OPRM1: variants seen among roughly 807,000 people sequenced by gnomAD.
OPRM1 encodes opioid receptor mu 1, also known as mu-type opioid receptor.
In OPRM1, 27 loss-of-function variants were observed where a neutral mutation model predicts 31.8. The ratio of observed to expected loss-of-function variants is 0.85; its 90% CI spans 0.63 to 1.17. The LOEUF is 1.17. OPRM1 is among the 50% of genes most tolerant of loss of function. The pLI, the probability that OPRM1 is intolerant of heterozygous loss-of-function variation, is 0.00. For synonymous variants in OPRM1, 196 were observed against 189.9 expected, an observed-to-expected ratio of 1.03 and a Z score of -0.26; for missense variants, 536 against 511.1, an observed-to-expected ratio of 1.05 and a Z score of -0.47.
At chr6:154,199,781 G>C in intron 3 of OPRM1, 1 of 1,614,226 alleles carries the variant, frequency 6.2e-7, no homozygotes, top group Middle Eastern at 1.6e-4. Context: ...TCCACTTTCT[G>C]ATGTGACAAA....
In OPRM1 at chr6:154,099,130, A is replaced by G. The variant is rs560966371; in HGVS notation, c.1164+7658A>G. ...GTCGATCTCTGCAAAAAACAAACAA[A>G]CAAAAAAAGCCAGGCGCGGTGGCAT... On this transcript the variant is annotated intron_variant, in intron 3 of 3. Coordinates refer to ENST00000330432, the MANE Select transcript of OPRM1 (RefSeq NM_000914.5). 3.6e-4 allele frequency among the ~76,000 whole-genome samples: 55 copies of G among 152,048 alleles called. No individual in the cohort carries two copies. In the South Asian group the frequency reaches 0.011, roughly 30 times the overall value.
At chr6:154,227,476 T>C (rs1779350302) in intron 3 of OPRM1, among the ~76,000 whole-genome samples, 1 of 152,076 alleles carries the variant, frequency 6.6e-6, no homozygotes, top group African/African-American at 2.4e-5. Flanking sequence ...CCCAACACTT[T>C]TGGAGGCCAA....
chr6:154,229,346 G>GTTTTTTTTTTTTTTTTTTTT (rs34462600), intron 3 of OPRM1, among the ~76,000 whole-genome samples: 1 of 112,680 alleles, frequency 8.9e-6, no homozygotes, highest in African/African-American at 3.4e-5. Flanking sequence ...AAGTTTGCCG[G>GTTTTTTTTTTTTTTTTTTTT]TTTTTTTTTT....
intron 1 of OPRM1, among the ~76,000 whole-genome samples, chr6:154,071,641 G>A (rs1012760127): frequency 5.9e-5 from 9 of 152,148 alleles, no homozygotes; most frequent in Non-Finnish European, 8.8e-5. Context: ...ATTTGGGAAA[G>A]GATTCAAAGA....
intron 3 of OPRM1, among the ~76,000 whole-genome samples, chr6:154,147,275 T>G (rs1562508121): frequency 6.6e-6 from 1 of 152,222 alleles, no homozygotes. Context: ...CTCGCTCATG[T>G]TCTCTTGTTT....
At chr6:154,238,456 G>T (rs751757065) in intron 3 of OPRM1, among the ~76,000 whole-genome samples, 25 of 152,074 alleles carry the variant, frequency 1.6e-4, no homozygotes, top group Non-Finnish European at 3.7e-4. Flanking sequence ...AATACAGACA[G>T]GGTTTCTCCA....
At chr6:154,171,286 AAAAT>A (rs1799849345) in intron 3 of OPRM1, among the ~76,000 whole-genome samples, 1 of 152,226 alleles carries the variant, frequency 6.6e-6, no homozygotes, top group Non-Finnish European at 1.5e-5. Context: ...TTCAATAATT[AAAAT>A]AAATACTCAG....
At chr6:154,033,234 A>G (rs1462864444) in intron 1 of OPRM1, among the ~76,000 whole-genome samples, 1 of 152,224 alleles carries the variant, frequency 6.6e-6, no homozygotes, top group East Asian at 1.9e-4. Context: ...TAGGTTTAAC[A>G]TTATGAAAGT....
At chr6:154,161,533 G>A (rs193044772) in intron 3 of OPRM1, among the ~76,000 whole-genome samples, 175 of 152,082 alleles carry the variant, frequency 1.2e-3, no homozygotes, top group African/African-American at 4.1e-3. Context: ...TTCAAAACCC[G>A]TAAATCTATA....
chr6:154,064,371 T>C (rs937236747), intron 1 of OPRM1, among the ~76,000 whole-genome samples: 1 of 152,180 alleles, frequency 6.6e-6, no homozygotes, highest in Non-Finnish European at 1.5e-5. Flanking sequence ...GGGAGTTCTC[T>C]ATATGTTCTG....
At chr6:154,180,209 G>A (rs1800713684) in intron 3 of OPRM1, among the ~76,000 whole-genome samples, 1 of 151,982 alleles carries the variant, frequency 6.6e-6, no homozygotes, top group Admixed American at 6.6e-5. Context: ...TCATAATGTT[G>A]AGTTGGTGCG....
chr6:154,238,550 G>A (rs139677340), intron 3 of OPRM1, among the ~76,000 whole-genome samples: 1,633 of 152,282 alleles, frequency 0.011, 31 homozygotes, highest in African/African-American at 0.036. Flanking sequence ...ATAGGCATGA[G>A]CCACTACACC....
At chr6:154,162,926 A>G (rs1451797008) in intron 3 of OPRM1, among the ~76,000 whole-genome samples, 1 of 152,094 alleles carries the variant, frequency 6.6e-6, no homozygotes. Context: ...ACCAACTTCC[A>G]ATGCACACCA....
intron 3 of OPRM1, among the ~76,000 whole-genome samples, chr6:154,118,269 T>G (rs1175338555): frequency 6.6e-6 from 1 of 152,060 alleles, no homozygotes; most frequent in African/African-American, 2.4e-5. Flanking sequence ...TATCTGGAAA[T>G]AAATAAGATC....
chr6:154,124,978 A>G lies in OPRM1; in HGVS notation c.*6257A>G, dbSNP rs1344466506. Reference sequence around the variant, plus strand: ...GTAAAGGTTCTGTAGAATCTCTCAGACCAGGTACAGGACCTACCAAAGGCC... The same window carrying G: ...GTAAAGGTTCTGTAGAATCTCTCAGGCCAGGTACAGGACCTACCAAAGGCC... On this transcript the variant is annotated 3_prime_UTR_variant, in exon 4 of 4. Coordinates refer to ENST00000330432, the MANE Select transcript of OPRM1 (RefSeq NM_000914.5). 1.3e-5 allele frequency among the ~76,000 whole-genome samples: 2 copies of G among 152,180 alleles called. No homozygotes were observed. Among genetic ancestry groups the G allele is most frequent in the Admixed American group, 6.5e-5 (1 of 15,276 alleles).
At chr6:154,147,662 A>G (rs1222993351) in intron 3 of OPRM1, among the ~76,000 whole-genome samples, 1 of 152,192 alleles carries the variant, frequency 6.6e-6, no homozygotes, top group African/African-American at 2.4e-5. Flanking sequence ...ATGATTATCA[A>G]TCATCCCTGC....
At chr6:154,100,016 TCATAA>T (rs1216470211) in intron 3 of OPRM1, among the ~76,000 whole-genome samples, 1 of 111,136 alleles carries the variant, frequency 9.0e-6, no homozygotes, top group African/African-American at 3.2e-5. Context: ...ATGATATATA[TCATAA>T]CATATTATAT....
intron 1 of OPRM1, among the ~76,000 whole-genome samples, chr6:154,073,175 T>G (rs1338026789): frequency 6.6e-6 from 1 of 152,062 alleles, no homozygotes; most frequent in African/African-American, 2.4e-5. Context: ...TACCTGAAAC[T>G]AAGAACAGCC....
chr6:154,097,237 A>G (rs969800439), intron 3 of OPRM1, among the ~76,000 whole-genome samples: 1 of 152,172 alleles, frequency 6.6e-6, no homozygotes, highest in Non-Finnish European at 1.5e-5. Context: ...CCCTCTAATT[A>G]CTATTATTAA....
Sources: allele counts gnomAD v4.1 joint callset (sites outside exome capture counted in the v4.1 genomes callset), GRCh38; gene constraint gnomAD v4.1.1; transcripts MANE v1.5; gene names NCBI Gene and HGNC (gene_info 2026-07-23, HGNC 2026-07-21).